The following CHST9 variants were observed in gnomAD, a reference collection of about 807,000 sequenced individuals.
The protein encoded by CHST9 is GalNAc-4-sulfotransferase 2.
CHST9 carries 41 observed loss-of-function variants against 44.4 expected under a neutral mutation model. That is an observed-to-expected ratio of 0.92 (90% CI 0.72 to 1.20). CHST9 has a LOEUF of 1.20. CHST9 is among the 50% of genes most tolerant of loss of function. The probability of loss-of-function intolerance (pLI) is 0.00; values close to 1 mark genes in which losing one functional copy is unlikely to be tolerated. For synonymous variants in CHST9, 171 were observed against 178.4 expected, an observed-to-expected ratio of 0.96 and a Z score of 0.33; for missense variants, 504 against 516.5, an observed-to-expected ratio of 0.98 and a Z score of 0.23.
chr18:27,053,522 C>T (rs1249595967), intron 2 of CHST9, among the ~76,000 whole-genome samples: 2 of 152,166 alleles, frequency 1.3e-5, no homozygotes, highest in Non-Finnish European at 2.9e-5. Context: ...TCTCCTTTCT[C>T]ACTGCCATCA....
intron 2 of CHST9, among the ~76,000 whole-genome samples, chr18:27,051,480 G>T (rs910145682): frequency 2.0e-5 from 3 of 152,090 alleles, no homozygotes; most frequent in Admixed American, 2.0e-4. Flanking sequence ...CTCCCTCTGG[G>T]GGATGCCGGA....
chr18:27,107,491 T>C (rs2058231772), intron 2 of CHST9, among the ~76,000 whole-genome samples: 1 of 152,230 alleles, frequency 6.6e-6, no homozygotes, highest in South Asian at 2.1e-4. Context: ...TTCTGTCAGT[T>C]AAATGCTCTC....
At chr18:27,182,811 T>C (rs1381432693) in intron 1 of CHST9, among the ~76,000 whole-genome samples, 2 of 152,194 alleles carry the variant, frequency 1.3e-5, no homozygotes, top group Admixed American at 1.3e-4. Flanking sequence ...AACATGTTAT[T>C]CATATCCTAT....
intron 4 of CHST9, among the ~76,000 whole-genome samples, chr18:26,986,266 C>A (rs2145199909): frequency 6.6e-6 from 1 of 151,864 alleles, no homozygotes; most frequent in African/African-American, 2.4e-5. Flanking sequence ...CAAAAAAGAC[C>A]TAAATTAAAC....
intron 5 of CHST9, among the ~76,000 whole-genome samples, chr18:26,920,204 C>T (rs2055622374): frequency 1.3e-5 from 2 of 152,192 alleles, no homozygotes; most frequent in Admixed American, 6.5e-5. Context: ...AGAGCCTTTA[C>T]TATTCCCACC....
intron 2 of CHST9, among the ~76,000 whole-genome samples, chr18:27,053,262 G>GAAGA (rs772678534): frequency 0.029 from 1,282 of 44,884 alleles, 26 homozygotes; most frequent in Middle Eastern, 0.049. Flanking sequence ...GAAGAAGAAG[G>GAAGA]AGAAGGAGAA....
chr18:27,102,467 C>T (rs574454163), intron 2 of CHST9, among the ~76,000 whole-genome samples: 11 of 152,124 alleles, frequency 7.2e-5, no homozygotes, highest in African/African-American at 2.7e-4. Flanking sequence ...GGACCATCCT[C>T]GACTATAAAA....
rs1364751614 is a variant in CHST9 at position 26,911,201 on chromosome 18, C to G, written c.*5058G>C. ...AAGTTGTACAGGAACCTTTAAACAA[C>G]AGCATCAAAAGCATCTGTTAAAGTA... On this transcript the variant is annotated 3_prime_UTR_variant, in exon 6 of 6. Coordinates refer to ENST00000618847, the MANE Select transcript of CHST9 (RefSeq NM_031422.6). The G allele has an allele frequency of 6.6e-6, 1 of 152,162 alleles. No homozygotes were observed. The highest frequency in any genetic ancestry group is 2.4e-5 in the African/African-American group (1 of 41,434). 9.4% of individuals were successfully genotyped at this position (152,162 alleles called of 1,614,324 possible). A position where few individuals can be genotyped will look rare whatever the true frequency, so the allele number is the denominator to read the frequency against.
chr18:27,079,590 G>A (rs2057941156), intron 2 of CHST9, among the ~76,000 whole-genome samples: 2 of 152,134 alleles, frequency 1.3e-5, no homozygotes, highest in South Asian at 2.1e-4. Context: ...TAAAAATCAT[G>A]TCACAAACCT....
rs2057604483 is a variant in CHST9, at chr18:27,053,262, G to GAGA, written c.122-4762_122-4760dup. On this transcript the variant is annotated intron_variant, in intron 2 of 5. Transcript: ENST00000618847. The stretch of plus-strand genomic sequence containing the variant: ...GAAGAAGAAGAAGAAGAAGAAGAAG[G>GAGA]AGAAGGAGAAGGAGAAGGAGAAGGA... Among the ~76,000 whole-genome samples, 8 of 45,774 alleles carry GAGA rather than the reference G, an allele frequency of 1.7e-4. 1 individual carries two copies. The East Asian group carries it at 4.8e-3, about 28-fold the overall frequency. The allele number at this position is 45,774 out of a possible 152,430, so 30.0% of individuals were successfully genotyped here. A position where few individuals can be genotyped will look rare whatever the true frequency, so the allele number is the denominator to read the frequency against.
intron 2 of CHST9, among the ~76,000 whole-genome samples, chr18:27,069,838 C>T (rs1057051905): frequency 6.6e-6 from 1 of 152,140 alleles, no homozygotes; most frequent in Non-Finnish European, 1.5e-5. Flanking sequence ...CAAAAGGATA[C>T]TGTTCTAATT....
chr18:27,150,670 G>A (rs974672127), intron 1 of CHST9, among the ~76,000 whole-genome samples: 16 of 152,138 alleles, frequency 1.1e-4, no homozygotes, highest in Non-Finnish European at 4.4e-5. Flanking sequence ...TTAGTGAGCA[G>A]ACTAGAATAC....
At chr18:26,990,840 C>T (rs911730415) in intron 4 of CHST9, among the ~76,000 whole-genome samples, 2 of 152,202 alleles carry the variant, frequency 1.3e-5, no homozygotes, top group African/African-American at 4.8e-5. Flanking sequence ...TGTTACCTTT[C>T]CACAGTTTTC....
chr18:26,911,100 A>G lies in CHST9; in HGVS notation c.*5159T>C, dbSNP rs2055434037. 6.6e-6 allele frequency: 1 copy of G among 152,216 alleles called. No individual in the cohort carries two copies. Among genetic ancestry groups the G allele is most frequent in the South Asian group, 2.1e-4 (1 of 4,830 alleles). 9.4% of individuals were successfully genotyped at this position (152,216 alleles called of 1,614,324 possible). On this transcript the variant is annotated 3_prime_UTR_variant, in exon 6 of 6. Coordinates refer to ENST00000618847, the MANE Select transcript of CHST9 (RefSeq NM_031422.6). ...CTTCCCTCAGCTGCCCTGCTCTAGC[A>G]CCTTCCTTTCAGATCCTCTGGTCCT...
chr18:27,153,726 C>T (rs1278724066), intron 1 of CHST9, among the ~76,000 whole-genome samples: 1 of 152,068 alleles, frequency 6.6e-6, no homozygotes, highest in Non-Finnish European at 1.5e-5. Context: ...AATAAAATCA[C>T]AGATTCTGGG....
intron 4 of CHST9, among the ~76,000 whole-genome samples, chr18:26,994,453 C>A (rs141664406): frequency 9.9e-4 from 150 of 152,154 alleles, no homozygotes; most frequent in African/African-American, 3.5e-3. Context: ...AGTACCTTTT[C>A]TCAATACTTT....
chr18:26,930,953 G>C (rs2055867730), intron 5 of CHST9: 1 of 145,066 alleles, frequency 6.9e-6, no homozygotes, highest in South Asian at 2.2e-4. Flanking sequence ...GTGGGGTGGG[G>C]GAGGAGAGGG....
intron 4 of CHST9, among the ~76,000 whole-genome samples, chr18:26,948,905 C>A (rs35871650): frequency 6.6e-6 from 1 of 151,764 alleles, no homozygotes; most frequent in Non-Finnish European, 1.5e-5. Context: ...AAGTTCTGAG[C>A]GGCTTATGTA....
At position 26,977,663 on chromosome 18, in the gene CHST9, C is replaced by T. The variant is rs143775565; in HGVS notation, c.203-33297G>A. Among the ~76,000 whole-genome samples, 942 of 152,184 alleles carry T rather than the reference C, an allele frequency of 6.2e-3. 15 individuals carry two copies. Among genetic ancestry groups the T allele is most frequent in the African/African-American group, 0.021 (876 of 41,516 alleles). ...TGTGCATTGCTAAGCTATTTACCAA[C>T]ACCATATTATAAGCATCCGAAAAAG... On this transcript the variant is annotated intron_variant, in intron 4 of 5. Coordinates refer to ENST00000618847, the MANE Select transcript of CHST9 (RefSeq NM_031422.6).
Sources: allele counts gnomAD v4.1 joint callset (sites outside exome capture counted in the v4.1 genomes callset), GRCh38; gene constraint gnomAD v4.1.1; transcripts MANE v1.5; gene names NCBI Gene and HGNC (gene_info 2026-07-23, HGNC 2026-07-21).